Variants in PTPRD observed in about 807,000 individuals in gnomAD.
PTPRD encodes protein tyrosine phosphatase receptor type D, also known as receptor-type tyrosine-protein phosphatase delta.
PTPRD carries 34 observed loss-of-function variants against 214.5 expected under a neutral mutation model. The ratio of observed to expected loss-of-function variants is 0.16; its 90% CI spans 0.12 to 0.21. The LOEUF is 0.21. PTPRD is among the 10% of genes least tolerant of loss of function. PTPRD has a pLI of 1.00. For missense variants in PTPRD, 2,545 were observed against 2,398.7 expected (o/e 1.06, Z -1.27); for synonymous variants, 1,128 against 845.7 (o/e 1.33, Z -5.79).
intron 5 of PTPRD, among the ~76,000 whole-genome samples, chr9:9,856,013 A>G (rs1434545326): frequency 1.3e-5 from 2 of 152,190 alleles, no homozygotes; most frequent in African/African-American, 4.8e-5. Context: ...AGATCGCAAG[A>G]ATGAGTGGAA....
rs1423690579 is a variant in PTPRD at position 9,351,858 on chromosome 9, G to A, written c.-203+45591C>T. On this transcript the variant is annotated intron_variant, in intron 9 of 45. Transcript: ENST00000381196. ...TCTCTGTGCCTCCATTTCTGTATCC[G>A]TCCATTGGAGATAACATGAATATCC... Among the ~76,000 whole-genome samples the A allele has an allele frequency of 3.3e-5, 5 of 152,040 alleles. No homozygotes were observed. The East Asian group carries it at 5.8e-4, about 18-fold the overall frequency.
chr9:8,560,732 G>A (rs1019892689), intron 14 of PTPRD, among the ~76,000 whole-genome samples: 5 of 152,078 alleles, frequency 3.3e-5, no homozygotes, highest in Non-Finnish European at 7.4e-5. Context: ...TCAAAGTGAT[G>A]CAATGATCAT....
intron 32 of PTPRD, among the ~76,000 whole-genome samples, chr9:8,461,337 G>C (rs2096394780): frequency 6.6e-6 from 1 of 152,038 alleles, no homozygotes; most frequent in African/African-American, 2.4e-5. Context: ...GTTCTCAATA[G>C]ACAACTGATA....
At chr9:10,172,381 T>C (rs2099214678) in intron 3 of PTPRD, among the ~76,000 whole-genome samples, 1 of 152,176 alleles carries the variant, frequency 6.6e-6, no homozygotes, top group African/African-American at 2.4e-5. Context: ...TTAAAGACAG[T>C]TAACAAAATA....
intron 5 of PTPRD, among the ~76,000 whole-genome samples, chr9:9,835,718 T>C (rs1385691218): frequency 6.6e-6 from 1 of 152,106 alleles, no homozygotes; most frequent in African/African-American, 2.4e-5. Context: ...ATCTACTTCA[T>C]TCTGAAGGTC....
intron 7 of PTPRD, among the ~76,000 whole-genome samples, chr9:9,594,013 T>C (rs924222138): frequency 3.9e-5 from 6 of 152,068 alleles, no homozygotes; most frequent in Non-Finnish European, 7.4e-5. Context: ...ACAGTGGTAC[T>C]TGTATGTGGA....
intron 5 of PTPRD, among the ~76,000 whole-genome samples, chr9:9,908,185 T>C (rs1384960974): frequency 6.6e-6 from 1 of 151,952 alleles, no homozygotes; most frequent in Admixed American, 6.6e-5. Context: ...AGATGGTAAA[T>C]TCTGGAATAA....
At chr9:9,464,914 G>C (rs148202198) in intron 8 of PTPRD, among the ~76,000 whole-genome samples, 1 of 152,108 alleles carries the variant, frequency 6.6e-6, no homozygotes, top group Non-Finnish European at 1.5e-5. Context: ...CAATGCAGGC[G>C]TCTAGAGCAT....
intron 2 of PTPRD, among the ~76,000 whole-genome samples, chr9:10,533,855 A>T (rs1342045198): frequency 6.6e-6 from 1 of 151,760 alleles, no homozygotes; most frequent in African/African-American, 2.4e-5. Context: ...TAATAAAAAC[A>T]CTATTTTATA....
chr9:8,450,012 C>T (rs1299643822), intron 33 of PTPRD, among the ~76,000 whole-genome samples, 175 bp from the exon 34 acceptor site: 1 of 152,034 alleles, frequency 6.6e-6, no homozygotes, highest in Admixed American at 6.6e-5. Flanking sequence ...CCTAATTGTT[C>T]TCTCAGGTCT....
At chr9:10,305,860 G>C (rs983778042) in intron 3 of PTPRD, among the ~76,000 whole-genome samples, 1 of 152,154 alleles carries the variant, frequency 6.6e-6, no homozygotes, top group African/African-American at 2.4e-5. Context: ...GGAAGAGAGT[G>C]TGGCGATTCC....
intron 10 of PTPRD, among the ~76,000 whole-genome samples, chr9:9,024,079 A>G (rs2099578670): frequency 1.3e-5 from 2 of 151,806 alleles, no homozygotes; most frequent in South Asian, 2.1e-4. Flanking sequence ...AGTCATTCAA[A>G]ATCCTACCAC....
intron 8 of PTPRD, among the ~76,000 whole-genome samples, chr9:9,473,463 A>T (rs2146642028): frequency 6.6e-6 from 1 of 152,176 alleles, no homozygotes; most frequent in East Asian, 1.9e-4. Flanking sequence ...TGATATATTG[A>T]TTTTCTTTCT....
At chr9:9,192,225 A>T (rs150662003) in intron 9 of PTPRD, among the ~76,000 whole-genome samples, 9 of 146,472 alleles carry the variant, frequency 6.1e-5, no homozygotes, top group South Asian at 2.1e-4. Context: ...TAGCAAAGAT[A>T]AAAAAAAAGC....
At chr9:10,059,234 T>G (rs1049193812) in intron 3 of PTPRD, among the ~76,000 whole-genome samples, 1 of 152,110 alleles carries the variant, frequency 6.6e-6, no homozygotes, top group Non-Finnish European at 1.5e-5. Flanking sequence ...TTAGACATGT[T>G]CTTCACATAC....
chr9:9,590,388 C>T (rs565564907), intron 7 of PTPRD, among the ~76,000 whole-genome samples: 13 of 151,992 alleles, frequency 8.6e-5, no homozygotes, highest in Non-Finnish European at 1.5e-4. Flanking sequence ...GTACCTATGA[C>T]AGTGTTCAAC....
chr9:9,037,964 A>C (rs2099627241), intron 10 of PTPRD, among the ~76,000 whole-genome samples: 1 of 152,148 alleles, frequency 6.6e-6, no homozygotes, highest in Admixed American at 6.6e-5. Flanking sequence ...CTTTTTTGAA[A>C]TTTAGTTCAT....
intron 11 of PTPRD, among the ~76,000 whole-genome samples, chr9:8,864,748 G>A (rs2098166010): frequency 6.6e-6 from 1 of 152,154 alleles, no homozygotes; most frequent in African/African-American, 2.4e-5. Context: ...TCCAGATCTT[G>A]CTTTGTTTTC....
At chr9:8,539,522 A>G (rs2077813297) in intron 14 of PTPRD, among the ~76,000 whole-genome samples, 1 of 151,934 alleles carries the variant, frequency 6.6e-6, no homozygotes, top group African/African-American at 2.4e-5. Flanking sequence ...ATAATAAAAT[A>G]TGTAAAGAAA....
Sources: gnomAD v4.1 joint callset for allele counts (sites outside exome capture counted in the v4.1 genomes callset) on GRCh38, gnomAD v4.1.1 for gene constraint, MANE v1.5 for transcripts, NCBI Gene and HGNC (gene_info 2026-07-23, HGNC 2026-07-21) for gene names.